The following ZNF415 variants were observed in gnomAD, a reference collection of about 807,000 sequenced individuals.
The protein encoded by ZNF415 is zinc finger protein 415.
A neutral mutation model predicts 7.3 loss-of-function variants in ZNF415; 5 were observed. That is an observed-to-expected ratio of 0.69 (90% CI 0.36 to 1.44). The LOEUF is 1.44. Ranked by LOEUF, ZNF415 falls within the 40% of genes most tolerant of loss-of-function variation. The probability of loss-of-function intolerance (pLI) is 0.04; values close to 1 mark genes in which losing one functional copy is unlikely to be tolerated. For missense variants in ZNF415, 628 were observed against 664.8 expected (o/e 0.94, Z 0.61); for synonymous variants, 207 against 226.3 (o/e 0.91, Z 0.77).
In ZNF415 at chr19:53,115,195, C is replaced by A. The variant is rs2086822751; in HGVS notation, c.136+1118G>T. 4 of 158,246 alleles carry A rather than the reference C, an allele frequency of 2.5e-5. No homozygotes were observed. In the South Asian group the frequency reaches 6.9e-4, roughly 27 times the overall value. 9.8% of individuals were successfully genotyped at this position (158,246 alleles called of 1,614,324 possible). On this transcript the variant is annotated intron_variant, in intron 3 of 3. Coordinates refer to ENST00000243643, the MANE Select transcript of ZNF415 (RefSeq NM_018355.4). ...TACTAAAAATACAAAATTAGCCAGG[C>A]ATGGTGGTGCATACCTGTAATCCCA...
rs772922560 is a variant in ZNF415 at position 53,109,673 on chromosome 19, T to C, written c.372A>G (p.Gln124=). The C allele has an allele frequency of 3.7e-6, 6 of 1,614,024 alleles. No individual in the cohort carries two copies. Among genetic ancestry groups the C allele is most frequent in the African/African-American group, 1.3e-5 (1 of 74,926 alleles). ...TGTTTCCTATACCTCTTCTATCGCG[T>C]TGGTCTCTCCTACAAGTAAGATTTT... ...PKENLTCRRD[Q]RDRRGIGNKS... The change falls in exon 4 of 4, where the codon CAA becomes CAG. Residue 124 remains glutamine, a synonymous_variant. Transcript: ENST00000243643.
chr19:53,109,357 GTGAGCCA>G lies in ZNF415; in HGVS notation c.681_687del (p.Gly228ThrfsTer2). 1 of 1,614,148 alleles carries G rather than the reference GTGAGCCA, an allele frequency of 6.2e-7. No individual in the cohort carries two copies. Among genetic ancestry groups the G allele is most frequent in the Non-Finnish European group, 8.5e-7 (1 of 1,180,016 alleles). ...TGACTTACCTGACGTACAGTCATGT[GTGAGCCA>G]TGATTCAAGGCTTTGTCGCACTCAA... On this transcript the variant is annotated frameshift_variant, in exon 4 of 4. Coordinates refer to ENST00000243643, the MANE Select transcript of ZNF415 (RefSeq NM_018355.4). LOFTEE classifies it low-confidence loss of function (END_TRUNC).
Position 53,125,499 on chromosome 19 carries a change from G to A in ZNF415, c.-67-2756C>T, listed in dbSNP as rs528445934. 1.7e-3 allele frequency among the ~76,000 whole-genome samples: 260 copies of A among 152,078 alleles called. 2 individuals are homozygous for A. The highest frequency in any genetic ancestry group is 6.0e-3 in the African/African-American group (248 of 41,440). On this transcript the variant is annotated intron_variant, in intron 1 of 3. Coordinates refer to ENST00000243643, the MANE Select transcript of ZNF415 (RefSeq NM_018355.4). ...ACAAGAGGCACGAGCCACCACATCT[G>A]GCTGATTTTTAAATTTTTTATAGAG...
rs1016695993 is a variant in ZNF415, at chr19:53,120,094, C to T, written c.15+2568G>A. On this transcript the variant is annotated intron_variant, in intron 2 of 3. Coordinates refer to ENST00000243643, the MANE Select transcript of ZNF415 (RefSeq NM_018355.4). ...GAAAAAAAAAAGGAAAACTATAGGC[C>T]GAAATCCCTCCTGAACACAGATGTA... 3.3e-5 allele frequency among the ~76,000 whole-genome samples: 5 copies of T among 151,782 alleles called. No homozygotes were observed. The East Asian group carries it at 9.6e-4, about 29-fold the overall frequency.
At chr19:53,112,725 T>TAA (rs909796699) in intron 3 of ZNF415, among the ~76,000 whole-genome samples, 5 of 151,954 alleles carry the variant, frequency 3.3e-5, no homozygotes, top group Non-Finnish European at 7.4e-5. Context: ...GGAGAGGGAG[T>TAA]AATGGGCATG....
intron 1 of ZNF415, among the ~76,000 whole-genome samples, chr19:53,126,622 C>T (rs1311799077): frequency 4.6e-5 from 6 of 130,218 alleles, no homozygotes; most frequent in Admixed American, 2.5e-4. Flanking sequence ...CTCAATCACC[C>T]GCCTAGGGAA....
chr19:53,111,666 C>G (rs916561426), intron 3 of ZNF415, among the ~76,000 whole-genome samples: 1 of 151,786 alleles, frequency 6.6e-6, no homozygotes, highest in Non-Finnish European at 1.5e-5. Context: ...TCTTATGGCA[C>G]GATGAGTTAT....
At chr19:53,128,759 A>G (rs73935243) in intron 1 of ZNF415, among the ~76,000 whole-genome samples, 26,068 of 73,378 alleles carry the variant, frequency 0.36, 5,312 homozygotes, top group Middle Eastern at 0.48. Context: ...GACCAATTAC[A>G]GATGAAATTT....
chr19:53,112,866 C>T (rs2086436025), intron 3 of ZNF415, among the ~76,000 whole-genome samples: 1 of 151,968 alleles, frequency 6.6e-6, no homozygotes, highest in African/African-American at 2.4e-5. Flanking sequence ...GCGGGTGGAT[C>T]ACATGAGGTC....
At position 53,108,973 on chromosome 19, in the gene ZNF415, A is replaced by G. The variant is rs1254746102; in HGVS notation, c.1072T>C (p.Cys358Arg). 3 of 1,614,018 alleles carry G rather than the reference A, an allele frequency of 1.9e-6. No individual in the cohort carries two copies. In the African/African-American group the frequency reaches 4.0e-5, roughly 22 times the overall value. Residue 358 changes from cysteine to arginine, a missense_variant, in exon 4 of 4, where the codon TGC becomes CGC. Cys to Arg is a radical substitution (Grantham distance 180). Transcript: ENST00000243643. Reference sequence around the variant, plus strand: ...CTGAACACCTTGCCACATTCATTGCATTTGTAAGGTTTCTTGCCACTATGA... The same window carrying G: ...CTGAACACCTTGCCACATTCATTGCGTTTGTAAGGTTTCTTGCCACTATGA... Reference protein sequence around the residue: ...VIHSGKKPYKCNECGKVFSQT... With the variant: ...VIHSGKKPYKRNECGKVFSQT...
At chr19:53,122,285 A>C (rs532627863) in intron 2 of ZNF415, 1 of 1,051,596 alleles carries the variant, frequency 9.5e-7, no homozygotes, top group African/African-American at 1.6e-5. Context: ...AACAACAAAA[A>C]ACATGACTTC....
At chr19:53,114,398 C>T (rs1038508022) in intron 3 of ZNF415, among the ~76,000 whole-genome samples, 3 of 152,076 alleles carry the variant, frequency 2.0e-5, no homozygotes, top group African/African-American at 7.2e-5. Context: ...GAACTCCTGA[C>T]CTCAGGTGAT....
At chr19:53,120,617 CATA>C (rs1875621178) in intron 2 of ZNF415, among the ~76,000 whole-genome samples, 1 of 152,078 alleles carries the variant, frequency 6.6e-6, no homozygotes. Flanking sequence ...ATAAAAGCAG[CATA>C]ATACTTAATA....
intron 1 of ZNF415, chr19:53,129,580 T>A (rs1416079966): frequency 2.5e-6 from 1 of 400,462 alleles, no homozygotes; most frequent in East Asian, 3.6e-5. Context: ...GTTGCTCACA[T>A]TGAGGTTTTC....
Position 53,108,345 on chromosome 19 carries a change from G to T in ZNF415, c.*32C>A, listed in dbSNP as rs1368658885. ...GATATAAATTCTTTGATGACTCACA[G>T]GATTTAAACTTTGACTGAAGACCTT... On this transcript the variant is annotated 3_prime_UTR_variant, in exon 4 of 4. Coordinates refer to ENST00000243643, the MANE Select transcript of ZNF415 (RefSeq NM_018355.4). The T allele has an allele frequency of 6.4e-7, 1 of 1,556,178 alleles. No homozygotes were observed. Among genetic ancestry groups the T allele is most frequent in the South Asian group, 1.2e-5 (1 of 81,248 alleles).
chr19:53,115,914 C>G (rs2086948551), intron 3 of ZNF415: 2 of 888,886 alleles, frequency 2.3e-6, no homozygotes, highest in Admixed American at 4.5e-5. Context: ...GAGAGGCTAT[C>G]ACAGATGGAT....
At chr19:53,115,252 T>A in intron 3 of ZNF415, 1 of 169,968 alleles carries the variant, frequency 5.9e-6, no homozygotes. Context: ...GGAGAATCAT[T>A]TGAATCCGGG....
chr19:53,113,675 A>T (rs981674886), intron 3 of ZNF415, among the ~76,000 whole-genome samples: 1 of 152,222 alleles, frequency 6.6e-6, no homozygotes, highest in African/African-American at 2.4e-5. Context: ...AGGTTTGTTG[A>T]TGAGAATGAA....
Position 53,108,849 on chromosome 19 carries a change from A to C in ZNF415, c.1196T>G (p.Leu399Arg), listed in dbSNP as rs2085777998. Residue 399 changes from leucine to arginine, a missense_variant, in exon 4 of 4, where the codon CTT (leucine) becomes CGT (arginine). Transcript: ENST00000243643. Reference sequence around the variant, plus strand: ...AGTATGAATTCTCCAATGCCTTGCAAGGCTTGAAGTCTGACTGAAGACTTT... The same window carrying C: ...AGTATGAATTCTCCAATGCCTTGCACGGCTTGAAGTCTGACTGAAGACTTT... ...CGKVFSQTSSLARHWRIHTGE... is the reference protein window; with the variant it reads ...CGKVFSQTSSRARHWRIHTGE... 1.5e-5 allele frequency: 24 copies of C among 1,614,160 alleles called. No homozygotes were observed. Among genetic ancestry groups the C allele is most frequent in the Non-Finnish European group, 1.9e-5 (23 of 1,180,008 alleles).
Sources: gnomAD v4.1 joint callset for allele counts (sites outside exome capture counted in the v4.1 genomes callset) on GRCh38, gnomAD v4.1.1 for gene constraint, MANE v1.5 for transcripts, NCBI Gene and HGNC (gene_info 2026-07-23, HGNC 2026-07-21) for gene names.